The following SORCS3 variants were observed in gnomAD, a reference collection of about 807,000 sequenced individuals.
The protein encoded by SORCS3 is sortilin related VPS10 domain containing receptor 3.
SORCS3 carries 57 observed loss-of-function variants against 146.3 expected under a neutral mutation model. That is an observed-to-expected ratio of 0.39 (90% CI 0.31 to 0.49). SORCS3 has a LOEUF of 0.49. SORCS3 is among the 20% of genes least tolerant of loss of function. The pLI is 0.92. For missense variants in SORCS3, 1,341 were observed against 1,575.5 expected, an observed-to-expected ratio of 0.85 and a Z score of 2.52; for synonymous variants, 653 against 618.5, an observed-to-expected ratio of 1.06 and a Z score of -0.83.
chr10:105,217,470 G>C (rs2056672369), intron 19 of SORCS3, among the ~76,000 whole-genome samples: 1 of 152,198 alleles, frequency 6.6e-6, no homozygotes, highest in South Asian at 2.1e-4. Context: ...CTGGTTGATA[G>C]TCTCAGGCTC....
At chr10:105,160,717 A>T (rs569500366) in intron 11 of SORCS3, among the ~76,000 whole-genome samples, 1 of 152,370 alleles carries the variant, frequency 6.6e-6, no homozygotes, top group East Asian at 1.9e-4. Context: ...CATTAATGTT[A>T]TAGAAGTTAA....
intron 1 of SORCS3, among the ~76,000 whole-genome samples, chr10:104,789,049 G>C (rs1479716704): frequency 6.6e-6 from 1 of 152,188 alleles, no homozygotes; most frequent in East Asian, 1.9e-4. Context: ...AGCAGGGTGA[G>C]GGGGGCAGGA....
At chr10:104,800,033 A>G (rs2017606684) in intron 1 of SORCS3, among the ~76,000 whole-genome samples, 1 of 152,148 alleles carries the variant, frequency 6.6e-6, no homozygotes, top group Non-Finnish European at 1.5e-5. Flanking sequence ...AAAAAATTAC[A>G]TGGATGTTAA....
At chr10:104,826,191 T>C (rs2133532664) in intron 1 of SORCS3, among the ~76,000 whole-genome samples, 1 of 152,302 alleles carries the variant, frequency 6.6e-6, no homozygotes, top group South Asian at 2.1e-4. Context: ...TCATTATCTG[T>C]GTAATACACA....
At chr10:105,098,106 C>G (rs1386071118) in intron 6 of SORCS3, among the ~76,000 whole-genome samples, 1 of 152,166 alleles carries the variant, frequency 6.6e-6, no homozygotes, top group Non-Finnish European at 1.5e-5. Context: ...ACTCTAGGCT[C>G]TAGATACATA....
At chr10:105,060,937 T>C (rs112529567) in intron 5 of SORCS3, among the ~76,000 whole-genome samples, 8,847 of 123,888 alleles carry the variant, frequency 0.071, 278 homozygotes, top group Middle Eastern at 0.12. Context: ...AACTCCGTCT[T>C]AAAACAAAAA....
chr10:105,046,279 T>C (rs1442754627), intron 5 of SORCS3, among the ~76,000 whole-genome samples: 1 of 152,118 alleles, frequency 6.6e-6, no homozygotes, highest in Non-Finnish European at 1.5e-5. Flanking sequence ...ATTTGATTGT[T>C]GTGATTCATA....
intron 3 of SORCS3, among the ~76,000 whole-genome samples, chr10:104,923,118 T>C (rs912547901): frequency 6.6e-6 from 1 of 152,178 alleles, no homozygotes; most frequent in African/African-American, 2.4e-5. Context: ...ATTTCTCTAT[T>C]TGTATAATGG....
At chr10:105,120,076 G>A (rs572094303) in intron 7 of SORCS3, among the ~76,000 whole-genome samples, 1 of 152,276 alleles carries the variant, frequency 6.6e-6, no homozygotes, top group East Asian at 1.9e-4. Context: ...GTGTTATGGT[G>A]GAGACCTGGT....
intron 4 of SORCS3, among the ~76,000 whole-genome samples, chr10:104,993,018 G>A (rs866664103): frequency 7.2e-5 from 11 of 152,156 alleles, no homozygotes; most frequent in Middle Eastern, 3.4e-3. Flanking sequence ...AAAAATTATC[G>A]AGTGATTTGA....
At chr10:105,012,687 C>T (rs1253024134) in intron 4 of SORCS3, among the ~76,000 whole-genome samples, 2 of 152,110 alleles carry the variant, frequency 1.3e-5, no homozygotes, top group Non-Finnish European at 2.9e-5. Flanking sequence ...CTTCAAAGGT[C>T]CACCAGTCAA....
chr10:105,123,050 T>C (rs775307736), intron 7 of SORCS3, among the ~76,000 whole-genome samples: 11 of 152,240 alleles, frequency 7.2e-5, no homozygotes, highest in Non-Finnish European at 1.3e-4. Context: ...GGCTTCCAAA[T>C]CTTCTGTTGT....
At chr10:104,727,545 G>GTGTA (rs577859799) in intron 1 of SORCS3, among the ~76,000 whole-genome samples, 4 of 147,882 alleles carry the variant, frequency 2.7e-5, no homozygotes, top group East Asian at 2.0e-4. Context: ...ATGTGTGTGT[G>GTGTA]TATATATATA....
At chr10:105,131,434 C>T (rs970150684) in intron 7 of SORCS3, among the ~76,000 whole-genome samples, 6 of 152,108 alleles carry the variant, frequency 3.9e-5, no homozygotes, top group Admixed American at 3.3e-4. Flanking sequence ...CTTATTAATA[C>T]GACAGCTCTC....
chr10:105,215,399 C>T (rs1438968803), intron 18 of SORCS3, among the ~76,000 whole-genome samples: 1 of 152,174 alleles, frequency 6.6e-6, no homozygotes, highest in Non-Finnish European at 1.5e-5. Flanking sequence ...GAAGGCAAAA[C>T]AGGCCAGGAG....
chr10:104,877,675 A>G (rs2018589763), intron 2 of SORCS3, among the ~76,000 whole-genome samples: 1 of 152,174 alleles, frequency 6.6e-6, no homozygotes, highest in Non-Finnish European at 1.5e-5. Flanking sequence ...AGGGAATACC[A>G]TATAAGGACA....
chr10:104,929,198 A>G (rs918497777), intron 3 of SORCS3, among the ~76,000 whole-genome samples: 1 of 152,210 alleles, frequency 6.6e-6, no homozygotes, highest in Non-Finnish European at 1.5e-5. Context: ...TGGGGCTCAC[A>G]ATAGTATTTT....
intron 1 of SORCS3, among the ~76,000 whole-genome samples, chr10:104,816,028 T>C (rs1379428127): frequency 6.6e-6 from 1 of 152,228 alleles, no homozygotes; most frequent in Non-Finnish European, 1.5e-5. Context: ...AGCACTGTTA[T>C]AAATATTTCC....
chr10:104,869,311 G>A (rs1194790111), intron 2 of SORCS3, among the ~76,000 whole-genome samples: 1 of 152,184 alleles, frequency 6.6e-6, no homozygotes, highest in African/African-American at 2.4e-5. Flanking sequence ...GGTGGTGTGA[G>A]TTCTAGTCCA....
Sources: gnomAD v4.1 joint callset for allele counts (sites outside exome capture counted in the v4.1 genomes callset) on GRCh38, gnomAD v4.1.1 for gene constraint, MANE v1.5 for transcripts, NCBI Gene and HGNC (gene_info 2026-07-23, HGNC 2026-07-21) for gene names.